Variants in CDH7 observed in about 807,000 individuals in gnomAD.
The protein encoded by CDH7 is cadherin-7.
A neutral mutation model predicts 71.8 loss-of-function variants in CDH7; 25 were observed. The observed-to-expected ratio is 0.35, with a 90% CI of 0.25 to 0.49. The LOEUF is 0.49. Ranked by LOEUF, CDH7 falls within the 20% of genes least tolerant of loss-of-function variation. The pLI is 0.99. For synonymous variants in CDH7, 381 were observed against 363.8 expected (o/e 1.05, Z -0.54); for missense variants, 862 against 974.6 (o/e 0.88, Z 1.54).
At chr18:65,816,130 C>T (rs1339662833) in intron 4 of CDH7, among the ~76,000 whole-genome samples, 2 of 151,842 alleles carry the variant, frequency 1.3e-5, no homozygotes, top group Admixed American at 1.3e-4. Flanking sequence ...TACTTCAAAC[C>T]TGATTTTAAT....
intron 2 of CDH7, among the ~76,000 whole-genome samples, chr18:65,806,081 A>G (rs756663125): frequency 3.3e-5 from 5 of 152,188 alleles, no homozygotes; most frequent in Non-Finnish European, 5.9e-5. Context: ...ATTCAGAAAT[A>G]TATTTTAGGA....
chr18:65,803,846 T>A (rs1307263394), intron 2 of CDH7: 193 of 128,550 alleles, frequency 1.5e-3, no homozygotes, highest in African/African-American at 4.5e-3. Context: ...CTAGAATAAG[T>A]AAATCAGTGG....
intron 2 of CDH7, among the ~76,000 whole-genome samples, chr18:65,806,658 ATGTGTG>A (rs60116919): frequency 6.6e-6 from 1 of 150,526 alleles, no homozygotes; most frequent in Non-Finnish European, 1.5e-5. Context: ...GTGTCCATGC[ATGTGTG>A]TGTGTGTGTG....
At chr18:65,830,895 C>G in intron 6 of CDH7, among the ~76,000 whole-genome samples, 1 of 151,770 alleles carries the variant, frequency 6.6e-6, no homozygotes, top group Non-Finnish European at 1.5e-5. Context: ...TGCTTCACCT[C>G]TAAGTTATTT....
chr18:65,842,449 T>C, intron 6 of CDH7, among the ~76,000 whole-genome samples: 1 of 151,770 alleles, frequency 6.6e-6, no homozygotes, highest in East Asian at 1.9e-4. Flanking sequence ...CTCTTTAATA[T>C]TTGTGTGCAA....
intron 6 of CDH7, among the ~76,000 whole-genome samples, chr18:65,836,401 G>T (rs1054885966): frequency 6.6e-6 from 1 of 152,014 alleles, no homozygotes; most frequent in African/African-American, 2.4e-5. Flanking sequence ...AAAATAATAC[G>T]TGATGGCTGT....
intron 2 of CDH7, among the ~76,000 whole-genome samples, chr18:65,765,849 A>T (rs931186202): frequency 2.4e-4 from 37 of 152,222 alleles, no homozygotes; most frequent in African/African-American, 8.7e-4. Context: ...TAATATCATT[A>T]AGTTTTAGTT....
intron 2 of CDH7, among the ~76,000 whole-genome samples, chr18:65,799,047 G>A (rs1281402009): frequency 6.6e-6 from 1 of 152,024 alleles, no homozygotes; most frequent in African/African-American, 2.4e-5. Context: ...GGTTGCAAGT[G>A]GTACTCATCA....
In CDH7 at chr18:65,858,158, G is replaced by A. The variant is rs375445924; in HGVS notation, c.1372+206G>A. 1.3e-5 allele frequency among the ~76,000 whole-genome samples: 2 copies of A among 151,986 alleles called. 1 individual carries two copies. Among genetic ancestry groups the A allele is most frequent in the South Asian group, 4.2e-4 (2 of 4,802 alleles). The stretch of plus-strand genomic sequence containing the variant: ...ATTTACAAAATTTATGAAAACCAAG[G>A]ACTAAAAAACAATGGGCCTATATTA... On this transcript the variant is annotated intron_variant, in intron 8 of 11. Coordinates refer to ENST00000397968, the MANE Select transcript of CDH7 (RefSeq NM_004361.5).
intron 2 of CDH7, among the ~76,000 whole-genome samples, chr18:65,782,188 T>TGA (rs1910335829): frequency 1.4e-5 from 1 of 71,408 alleles, no homozygotes; most frequent in Non-Finnish European, 2.7e-5. Context: ...CTTTCTTTCT[T>TGA]GACAGAGTCT....
At position 65,885,572 on chromosome 18, in the gene CDH7, G is replaced by T. The variant is rs918187667; in HGVS notation, c.*4678G>T. On this transcript the variant is annotated 3_prime_UTR_variant, in exon 12 of 12. Transcript: ENST00000397968. ...TTTTTGTATTTTTAGTACAGACGGG[G>T]TTTCACCGTGGTCTCGATCTCCTGA... is the stretch of plus-strand genomic sequence containing the variant. 2 of 151,436 alleles carry T rather than the reference G, an allele frequency of 1.3e-5. No individual in the cohort carries two copies. Among genetic ancestry groups the T allele is most frequent in the Non-Finnish European group, 2.9e-5 (2 of 67,922 alleles). 9.4% of individuals were successfully genotyped at this position (151,436 alleles called of 1,614,324 possible).
chr18:65,849,120 G>C (rs1226875358), intron 7 of CDH7, among the ~76,000 whole-genome samples: 2 of 151,960 alleles, frequency 1.3e-5, no homozygotes, highest in African/African-American at 4.8e-5. Flanking sequence ...AACTTAAAAA[G>C]TAGCAGATAT....
At chr18:65,752,319 C>CA (rs1324288508) in intron 1 of CDH7, among the ~76,000 whole-genome samples, 11 of 152,232 alleles carry the variant, frequency 7.2e-5, no homozygotes, top group Middle Eastern at 3.4e-3. Flanking sequence ...ACACCTCACA[C>CA]AAAAAATGTG....
intron 9 of CDH7, 74 bp from the exon 10 acceptor site, chr18:65,859,634 T>C (rs182667901): frequency 1.2e-6 from 1 of 847,882 alleles, no homozygotes; most frequent in Non-Finnish European, 2.0e-6. Flanking sequence ...AAGTGTAAAA[T>C]TGCTTTGTCC....
chr18:65,810,663 C>T (rs1911500655), intron 3 of CDH7, among the ~76,000 whole-genome samples: 1 of 152,008 alleles, frequency 6.6e-6, no homozygotes, highest in African/African-American at 2.4e-5. Flanking sequence ...TAGTATTAAG[C>T]CCAGCATCAC....
At chr18:65,873,400 A>T (rs1913982934) in intron 11 of CDH7, among the ~76,000 whole-genome samples, 1 of 152,232 alleles carries the variant, frequency 6.6e-6, no homozygotes, top group African/African-American at 2.4e-5. Context: ...TGTGAAATGC[A>T]TATGTAATTT....
intron 6 of CDH7, among the ~76,000 whole-genome samples, chr18:65,825,699 T>TA (rs934206752): frequency 1.3e-5 from 2 of 151,720 alleles, no homozygotes; most frequent in African/African-American, 4.8e-5. Flanking sequence ...CACATATCAA[T>TA]AAAAAAAGTG....
At chr18:65,789,700 G>A (rs950564982) in intron 2 of CDH7, among the ~76,000 whole-genome samples, 1 of 152,050 alleles carries the variant, frequency 6.6e-6, no homozygotes, top group Admixed American at 6.5e-5. Context: ...CAATTATTTG[G>A]AAAGTAGAAT....
chr18:65,789,481 T>TTTG (rs1910632882), intron 2 of CDH7, among the ~76,000 whole-genome samples: 4 of 151,562 alleles, frequency 2.6e-5, no homozygotes, highest in Admixed American at 2.6e-4. Context: ...GTTTGTTTTT[T>TTTG]TTTGTTTGTT....
Sources: gnomAD v4.1 joint callset for allele counts (sites outside exome capture counted in the v4.1 genomes callset) on GRCh38, gnomAD v4.1.1 for gene constraint, MANE v1.5 for transcripts, NCBI Gene and HGNC (gene_info 2026-07-23, HGNC 2026-07-21) for gene names.